Variants in APBA1 observed in about 807,000 individuals in gnomAD.
APBA1 encodes the protein amyloid beta precursor protein binding family A member 1.
Under a neutral mutation model 86.6 loss-of-function variants are expected in APBA1, and 55 were observed. The observed-to-expected ratio is 0.64, with a 90% CI of 0.51 to 0.80. APBA1 has a LOEUF of 0.80. Among genes scored for constraint, APBA1 ranks in the 30% least tolerant of loss-of-function variants. The pLI, the probability that APBA1 is intolerant of heterozygous loss-of-function variation, is 0.00. For missense variants in APBA1, 1,090 were observed against 1,183.0 expected (o/e 0.92, Z 1.15); for synonymous variants, 511 against 493.9 (o/e 1.03, Z -0.46).
chr9:69,431,241 A>C lies in APBA1; in HGVS notation c.*86T>G. ...CCAAATGCTGGGCGCGAGAGGGGAA[A>C]GTCTCAGTGGACACAGGGATGCAGC... On this transcript the variant is annotated 3_prime_UTR_variant, in exon 13 of 13. Transcript: ENST00000265381. 8.7e-6 allele frequency: 9 copies of C among 1,039,590 alleles called. No homozygotes were observed. Among genetic ancestry groups the C allele is most frequent in the Non-Finnish European group, 1.2e-5 (9 of 728,026 alleles). The allele number at this position is 1,039,590 out of a possible 1,614,324, so 64.4% of individuals were successfully genotyped here.
chr9:69,589,211 C>A (rs1036941546), intron 1 of APBA1, among the ~76,000 whole-genome samples: 4 of 152,210 alleles, frequency 2.6e-5, no homozygotes, highest in Non-Finnish European at 5.9e-5. Flanking sequence ...CTGCCTTGGC[C>A]TCCCAAAGTG....
At chr9:69,643,254 T>C (rs1287099151) in intron 1 of APBA1, among the ~76,000 whole-genome samples, 4 of 152,172 alleles carry the variant, frequency 2.6e-5, no homozygotes. Flanking sequence ...CCATGAAGAC[T>C]TTCTTCACCT....
intron 1 of APBA1, among the ~76,000 whole-genome samples, chr9:69,622,342 C>T (rs933358499): frequency 1.2e-4 from 19 of 152,168 alleles, no homozygotes; most frequent in Non-Finnish European, 1.9e-4. Flanking sequence ...ACACCAAGGG[C>T]TTAATCTCCA....
chr9:69,605,520 C>T (rs1822454063), intron 1 of APBA1, among the ~76,000 whole-genome samples: 1 of 152,204 alleles, frequency 6.6e-6, no homozygotes, highest in African/African-American at 2.4e-5. Context: ...TGACTCAATG[C>T]TCCAGCCACT....
Position 69,557,198 on chromosome 9 carries a change from T to TA in APBA1, c.-69-39920dup, listed in dbSNP as rs1262308328. ...AGTAAAATGCCCATAATCTTCCTGA[T>TA]AAAGCCTGAACTCACCCAACTCCAC... On this transcript the variant is annotated intron_variant, in intron 1 of 12. Coordinates refer to ENST00000265381, the MANE Select transcript of APBA1 (RefSeq NM_001163.4). 2.0e-5 allele frequency among the ~76,000 whole-genome samples: 3 copies of TA among 152,278 alleles called. No homozygotes were observed. In the East Asian group the frequency reaches 5.8e-4, roughly 29 times the overall value.
chr9:69,513,030 G>T (rs1280226739), intron 2 of APBA1, among the ~76,000 whole-genome samples: 1 of 152,084 alleles, frequency 6.6e-6, no homozygotes, highest in Non-Finnish European at 1.5e-5. Flanking sequence ...CTATAAATAT[G>T]GCATGACAGA....
chr9:69,661,991 A>G, intron 1 of APBA1, among the ~76,000 whole-genome samples: 1 of 150,504 alleles, frequency 6.6e-6, no homozygotes, highest in Non-Finnish European at 1.5e-5. Context: ...ACTCTGTTAT[A>G]GCAACACTGA....
chr9:69,441,685 A>G (rs1170717797), intron 10 of APBA1, among the ~76,000 whole-genome samples: 4 of 152,212 alleles, frequency 2.6e-5, no homozygotes, highest in Non-Finnish European at 5.9e-5. Context: ...TCCCACAGCA[A>G]CCAGGGACTC....
intron 1 of APBA1, among the ~76,000 whole-genome samples, chr9:69,561,920 C>T (rs1230730485): frequency 6.6e-6 from 1 of 152,140 alleles, no homozygotes; most frequent in Non-Finnish European, 1.5e-5. Context: ...AGCCACTGCG[C>T]CCTGCTGTCT....
chr9:69,529,717 G>T (rs922779761), intron 1 of APBA1, among the ~76,000 whole-genome samples: 4 of 151,974 alleles, frequency 2.6e-5, no homozygotes, highest in African/African-American at 9.7e-5. Context: ...TTTTTAATTT[G>T]CTTTATTAAA....
In APBA1 at chr9:69,592,036, T is replaced by C. The variant is rs146343994; in HGVS notation, c.-69-74757A>G. 4.8e-3 allele frequency among the ~76,000 whole-genome samples: 735 copies of C among 152,340 alleles called. 3 individuals carry two copies. Among genetic ancestry groups the C allele is most frequent in the Non-Finnish European group, 8.2e-3 (558 of 68,024 alleles). The stretch of plus-strand genomic sequence containing the variant: ...CTGACTTTGATAGGATGGGTGCTTT[T>C]ACTCACAAAGATTGGTCCTCTCCTT... On this transcript the variant is annotated intron_variant, in intron 1 of 12. Transcript: ENST00000265381.
intron 1 of APBA1, among the ~76,000 whole-genome samples, chr9:69,658,231 T>G (rs1564104726): frequency 7.1e-5 from 1 of 14,164 alleles, no homozygotes; most frequent in East Asian, 8.9e-3. Context: ...TCTCTTTCTT[T>G]CTTTCTTTCT....
intron 12 of APBA1, 69 bp from the exon 13 acceptor site, chr9:69,431,467 G>T: frequency 1.4e-6 from 2 of 1,402,576 alleles, no homozygotes; most frequent in Non-Finnish European, 2.0e-6. Flanking sequence ...ACTGCCCAGG[G>T]CTGGCCAGAG....
At position 69,516,774 on chromosome 9, in the gene APBA1, A is replaced by T; in HGVS notation, c.437T>A (p.Leu146Gln). 6.2e-7 allele frequency: 1 copy of T among 1,611,430 alleles called. No individual in the cohort carries two copies. The highest frequency in any genetic ancestry group is 1.3e-5 in the African/African-American group (1 of 74,980). The change falls in exon 2 of 13, where the codon CTG becomes CAG. Residue 146 changes from leucine (L) to glutamine (Q), a missense_variant. Leu to Gln is a moderately radical substitution (Grantham distance 113, BLOSUM62 -2). Transcript: ENST00000265381. The surrounding 1 kb of genome is among the most constrained non-coding windows in gnomAD (Gnocchi z 7.3). ...EHAEATHRRA[L>Q]PNHLHFHSLE... ...CGAGTGGAAGTGCAGGTGGTTGGGCAGCGCGCGGCGGTGCGTGGCCTCGGC... is the reference window on the plus strand; with the variant it reads ...CGAGTGGAAGTGCAGGTGGTTGGGCTGCGCGCGGCGGTGCGTGGCCTCGGC...
At chr9:69,432,008 G>A (rs1191472092) in intron 12 of APBA1, among the ~76,000 whole-genome samples, 1 of 152,082 alleles carries the variant, frequency 6.6e-6, no homozygotes, top group Non-Finnish European at 1.5e-5. Flanking sequence ...ATGACTGACA[G>A]CAGTGATGAA....
chr9:69,589,764 T>TA (rs943852856), intron 1 of APBA1, among the ~76,000 whole-genome samples: 10 of 152,188 alleles, frequency 6.6e-5, no homozygotes, highest in African/African-American at 2.2e-4. Context: ...TCAAACAATT[T>TA]AAACTGGGAT....
chr9:69,436,026 T>C (rs959221850), intron 11 of APBA1, among the ~76,000 whole-genome samples: 4 of 151,342 alleles, frequency 2.6e-5, no homozygotes, highest in Admixed American at 6.6e-5. Flanking sequence ...CACCATTTAT[T>C]AAATAGGGAA....
At chr9:69,670,467 A>G (rs1003585175) in intron 1 of APBA1, among the ~76,000 whole-genome samples, 6 of 152,202 alleles carry the variant, frequency 3.9e-5, no homozygotes, top group African/African-American at 1.2e-4. Context: ...TGTTATGACT[A>G]AAACATGTCC....
At chr9:69,486,208 T>A (rs1243072681) in intron 2 of APBA1, among the ~76,000 whole-genome samples, 1 of 152,078 alleles carries the variant, frequency 6.6e-6, no homozygotes, top group East Asian at 1.9e-4. Flanking sequence ...CGCCTTGGCC[T>A]CCCAAAGTGC....
Sources: allele counts gnomAD v4.1 joint callset (sites outside exome capture counted in the v4.1 genomes callset), GRCh38; gene constraint gnomAD v4.1.1; non-coding constraint Gnocchi (gnomAD v3.1); transcripts MANE v1.5; gene names NCBI Gene and HGNC (gene_info 2026-07-23, HGNC 2026-07-21).